PPP3CB: variants seen among roughly 807,000 people sequenced by gnomAD.
PPP3CB encodes the protein serine/threonine-protein phosphatase 2B catalytic subunit beta isoform.
A neutral mutation model predicts 66.4 loss-of-function variants in PPP3CB; 8 were observed. The observed-to-expected ratio is 0.12, with a 90% CI of 0.07 to 0.22. PPP3CB has a LOEUF of 0.22. PPP3CB is among the 10% of genes least tolerant of loss of function. PPP3CB has a pLI of 1.00. For synonymous variants in PPP3CB, 208 were observed against 221.2 expected (o/e 0.94, Z 0.53); for missense variants, 319 against 642.5 (o/e 0.50, Z 5.44).
chr10:73,464,081 C>G (rs2132888186), intron 9 of PPP3CB, among the ~76,000 whole-genome samples: 1 of 152,254 alleles, frequency 6.6e-6, no homozygotes, highest in Non-Finnish European at 1.5e-5. Flanking sequence ...AGGCGCCCGC[C>G]ACCACACCCA....
chr10:73,490,882 G>A (rs569781401), intron 1 of PPP3CB, among the ~76,000 whole-genome samples: 2 of 152,096 alleles, frequency 1.3e-5, no homozygotes, highest in South Asian at 4.2e-4. Flanking sequence ...CACCCAGGCA[G>A]GGTGCAGTGG....
intron 4 of PPP3CB, 151 bp downstream of exon 4, chr10:73,474,768 G>A (rs1029651007): frequency 1.1e-4 from 134 of 1,188,494 alleles, no homozygotes; most frequent in East Asian, 2.8e-5. Flanking sequence ...TTAAACACCA[G>A]AGAGTGCTCG....
chr10:73,472,443 G>A (rs1048839396), intron 4 of PPP3CB, among the ~76,000 whole-genome samples: 6 of 150,948 alleles, frequency 4.0e-5, no homozygotes, highest in Non-Finnish European at 7.4e-5. Context: ...GCAGTGGGCC[G>A]AGATCGTGCC....
chr10:73,488,141 G>A (rs534239432), intron 1 of PPP3CB, among the ~76,000 whole-genome samples: 1 of 152,158 alleles, frequency 6.6e-6, no homozygotes, highest in Admixed American at 6.5e-5. Flanking sequence ...GGTTTCACTA[G>A]TAAGAAGTAG....
intron 8 of PPP3CB, 140 bp from the exon 9 acceptor site, chr10:73,467,818 G>A: frequency 1.4e-6 from 1 of 694,652 alleles, no homozygotes; most frequent in Non-Finnish European, 2.2e-6. Context: ...GCTGGTAGAG[G>A]GAGGAAGGAA....
At chr10:73,461,646 G>A (rs2056523022) in intron 9 of PPP3CB, among the ~76,000 whole-genome samples, 1 of 152,178 alleles carries the variant, frequency 6.6e-6, no homozygotes, top group South Asian at 2.1e-4. Context: ...CTAGGCTTGA[G>A]TCTCAGATGA....
At chr10:73,457,000 T>C (rs1223568292) in intron 9 of PPP3CB, among the ~76,000 whole-genome samples, 3 of 152,060 alleles carry the variant, frequency 2.0e-5, no homozygotes, top group African/African-American at 7.2e-5. Context: ...ACCAACTGAA[T>C]TGTATGCTTT....
intron 1 of PPP3CB, among the ~76,000 whole-genome samples, chr10:73,489,631 C>T (rs371778190): frequency 6.6e-6 from 1 of 152,110 alleles, no homozygotes; most frequent in South Asian, 2.1e-4. Context: ...AGTAGTAGAG[C>T]TAGGATTCAA....
chr10:73,462,949 C>CAAAA (rs10569079), intron 9 of PPP3CB, among the ~76,000 whole-genome samples: 2 of 58,782 alleles, frequency 3.4e-5, no homozygotes, highest in Non-Finnish European at 2.8e-5. Flanking sequence ...GACTCTGTCT[C>CAAAA]AAAAAAAAAA....
At chr10:73,495,103 C>T (rs2133069351) in intron 1 of PPP3CB, among the ~76,000 whole-genome samples, 1 of 152,282 alleles carries the variant, frequency 6.6e-6, no homozygotes, top group South Asian at 2.1e-4. Flanking sequence ...GGGGTAACTC[C>T]TTTTGACCAA....
At chr10:73,443,437 T>C (rs929778290) in intron 12 of PPP3CB, among the ~76,000 whole-genome samples, 6 of 152,026 alleles carry the variant, frequency 3.9e-5, no homozygotes, top group Non-Finnish European at 7.4e-5. Flanking sequence ...AACGTTAAAA[T>C]TGCCTATTTT....
chr10:73,489,982 G>C (rs1384697171), intron 1 of PPP3CB, among the ~76,000 whole-genome samples: 2 of 152,010 alleles, frequency 1.3e-5, no homozygotes, highest in Non-Finnish European at 2.9e-5. Flanking sequence ...CTCCAGTAGC[G>C]CTTTGTACCA....
chr10:73,465,447 A>G (rs2056604028), intron 9 of PPP3CB, among the ~76,000 whole-genome samples: 1 of 152,082 alleles, frequency 6.6e-6, no homozygotes, highest in Non-Finnish European at 1.5e-5. Context: ...CTATAATCTC[A>G]GTGCTTTACA....
intron 1 of PPP3CB, among the ~76,000 whole-genome samples, chr10:73,491,896 G>C (rs1221346307): frequency 6.6e-6 from 1 of 152,144 alleles, no homozygotes; most frequent in Non-Finnish European, 1.5e-5. Flanking sequence ...GAACCCGGGA[G>C]GTGGAGGTTG....
Position 73,467,684 on chromosome 10 carries a change from A to C in PPP3CB, c.983-6T>G. The C allele has an allele frequency of 6.5e-7, 1 of 1,538,842 alleles. No individual in the cohort carries two copies. The highest frequency in any genetic ancestry group is 8.8e-7 in the Non-Finnish European group (1 of 1,134,514). On this transcript the variant is annotated splice_region_variant and splice_polypyrimidine_tract_variant and intron_variant, in intron 8 of 13. Coordinates refer to ENST00000360663, the MANE Select transcript of PPP3CB (RefSeq NM_021132.4). ...TTCATACTTTAATACAGCAGCTGCA[A>C]GATAAGTTGAACATCAATAACTTAA...
chr10:73,452,026 G>A (rs1202740541), intron 10 of PPP3CB, among the ~76,000 whole-genome samples: 2 of 151,422 alleles, frequency 1.3e-5, no homozygotes, highest in Admixed American at 6.6e-5. Context: ...GATTACAGGC[G>A]TGAGCCACCA....
intron 1 of PPP3CB, among the ~76,000 whole-genome samples, chr10:73,480,619 A>G (rs1259603703): frequency 6.6e-6 from 1 of 151,662 alleles, no homozygotes; most frequent in Non-Finnish European, 1.5e-5. Context: ...TTATTTTTGT[A>G]TTTTTAGTAG....
chr10:73,483,302 G>A (rs777551628), intron 1 of PPP3CB, among the ~76,000 whole-genome samples: 2 of 152,172 alleles, frequency 1.3e-5, no homozygotes, highest in Non-Finnish European at 2.9e-5. Context: ...AGAGGTAGAT[G>A]AAAGCTATAG....
rs1686630798 is a variant in PPP3CB, at chr10:73,471,634, T to C, written c.524-21A>G. 6 of 1,550,004 alleles carry C rather than the reference T, an allele frequency of 3.9e-6. No individual in the cohort carries two copies. The South Asian group carries it at 6.0e-5, about 15-fold the overall frequency. ...TTTACCTAGAAAAACAAAAAACTAA[T>C]TGAAAATTACATTACTGGTGGTGGT... On this transcript the variant is annotated intron_variant, in intron 4 of 13. Coordinates refer to ENST00000360663, the MANE Select transcript of PPP3CB (RefSeq NM_021132.4).
Sources: allele counts gnomAD v4.1 joint callset (sites outside exome capture counted in the v4.1 genomes callset), GRCh38; gene constraint gnomAD v4.1.1; transcripts MANE v1.5; gene names NCBI Gene and HGNC (gene_info 2026-07-23, HGNC 2026-07-21).